Variants in SPATA17 observed in about 807,000 individuals in gnomAD.
SPATA17 encodes the protein spermatogenesis-associated protein 17.
A neutral mutation model predicts 62.2 loss-of-function variants in SPATA17; 53 were observed. That is an observed-to-expected ratio of 0.85 (90% CI 0.68 to 1.07). The LOEUF is 1.07. SPATA17 is among the 50% of genes least tolerant of loss of function. SPATA17 has a pLI of 0.00. For synonymous variants in SPATA17, 146 were observed against 146.8 expected, an observed-to-expected ratio of 0.99 and a Z score of 0.04; for missense variants, 466 against 425.5, an observed-to-expected ratio of 1.10 and a Z score of -0.84.
chr1:217,685,350 CT>C (rs1250711077), intron 5 of SPATA17, among the ~76,000 whole-genome samples: 1 of 152,146 alleles, frequency 6.6e-6, no homozygotes, highest in Non-Finnish European at 1.5e-5. Context: ...AGGTCTGAAT[CT>C]TCTATTTGAC....
chr1:217,832,894 G>T (rs551241018), intron 9 of SPATA17, among the ~76,000 whole-genome samples: 2 of 151,758 alleles, frequency 1.3e-5, no homozygotes, highest in South Asian at 4.2e-4. Flanking sequence ...CAGTGAGCTG[G>T]GATTGTACCA....
chr1:217,658,028 T>C (rs984120336), intron 3 of SPATA17, among the ~76,000 whole-genome samples: 14 of 152,306 alleles, frequency 9.2e-5, no homozygotes, highest in African/African-American at 2.6e-4. Context: ...GAGGACAGTA[T>C]GAGGAAAACT....
At chr1:217,797,099 A>G (rs1204275987) in intron 8 of SPATA17, among the ~76,000 whole-genome samples, 2 of 152,242 alleles carry the variant, frequency 1.3e-5, no homozygotes, top group African/African-American at 4.8e-5. Flanking sequence ...TATATTTCCA[A>G]TTACACGTTC....
intron 5 of SPATA17, among the ~76,000 whole-genome samples, chr1:217,712,752 G>A (rs775336192): frequency 6.6e-6 from 1 of 152,040 alleles, no homozygotes; most frequent in African/African-American, 2.4e-5. Context: ...AGAGCAAATA[G>A]GGTCTTTTCA....
At chr1:217,859,847 C>T (rs996415183) in intron 9 of SPATA17, among the ~76,000 whole-genome samples, 4 of 152,078 alleles carry the variant, frequency 2.6e-5, no homozygotes, top group African/African-American at 4.8e-5. Context: ...ATTTCAAGAG[C>T]AGGCTTTTGA....
intron 6 of SPATA17, among the ~76,000 whole-genome samples, chr1:217,742,998 G>A (rs1672658531): frequency 6.6e-6 from 1 of 151,210 alleles, no homozygotes; most frequent in Admixed American, 6.6e-5. Context: ...TCTACATTTG[G>A]AGTGTAGATC....
chr1:217,861,637 A>C (rs1333249620), intron 9 of SPATA17, among the ~76,000 whole-genome samples: 2 of 152,188 alleles, frequency 1.3e-5, no homozygotes, highest in African/African-American at 4.8e-5. Flanking sequence ...GCAAGAATAT[A>C]GATGCTCAGC....
intron 3 of SPATA17, among the ~76,000 whole-genome samples, chr1:217,656,725 A>T (rs533645254): frequency 3.9e-5 from 6 of 152,330 alleles, no homozygotes; most frequent in African/African-American, 1.4e-4. Flanking sequence ...CATTGCATTA[A>T]GCATTTTACA....
intron 6 of SPATA17, among the ~76,000 whole-genome samples, chr1:217,759,324 T>C (rs1310151874): frequency 1.3e-5 from 2 of 151,938 alleles, no homozygotes; most frequent in Non-Finnish European, 2.9e-5. Flanking sequence ...CCAGGTGTGG[T>C]AGCAGGTGCC....
chr1:217,819,991 T>A (rs949813863), intron 9 of SPATA17, among the ~76,000 whole-genome samples: 1 of 151,956 alleles, frequency 6.6e-6, no homozygotes, highest in Admixed American at 6.6e-5. Context: ...GAGAAAAAGG[T>A]CATATATCGA....
intron 5 of SPATA17, among the ~76,000 whole-genome samples, chr1:217,730,200 C>G (rs1026709628): frequency 6.6e-5 from 10 of 151,226 alleles, no homozygotes; most frequent in African/African-American, 1.7e-4. Context: ...AAGCAATGAA[C>G]AATGTCTTCA....
intron 4 of SPATA17, among the ~76,000 whole-genome samples, chr1:217,681,644 G>T (rs1232549858): frequency 6.6e-6 from 1 of 151,996 alleles, no homozygotes; most frequent in Non-Finnish European, 1.5e-5. Flanking sequence ...TGATCTTCCC[G>T]CCTTGGCCTC....
intron 5 of SPATA17, among the ~76,000 whole-genome samples, chr1:217,687,675 G>A (rs1410994742): frequency 6.6e-6 from 1 of 152,094 alleles, no homozygotes; most frequent in Non-Finnish European, 1.5e-5. Flanking sequence ...TACTATCTAG[G>A]TTTATGTAAA....
chr1:217,862,464 A>G (rs1187156080), intron 9 of SPATA17, among the ~76,000 whole-genome samples: 1 of 152,180 alleles, frequency 6.6e-6, no homozygotes, highest in East Asian at 1.9e-4. Flanking sequence ...CTATGAAGCC[A>G]AGGTAAAAAA....
intron 8 of SPATA17, among the ~76,000 whole-genome samples, chr1:217,793,382 G>A (rs1018092574): frequency 3.3e-5 from 5 of 151,868 alleles, no homozygotes; most frequent in African/African-American, 4.8e-5. Context: ...CACCACACCC[G>A]GCTAATTTTT....
intron 7 of SPATA17, 54 bp from the exon 8 acceptor site, chr1:217,782,120 A>G: frequency 6.6e-7 from 1 of 1,506,624 alleles, no homozygotes; most frequent in Non-Finnish European, 8.9e-7. Flanking sequence ...GGTCATCAGT[A>G]ATACCTCAAA....
chr1:217,653,964 G>C (rs1036299667), intron 3 of SPATA17, among the ~76,000 whole-genome samples: 1 of 151,876 alleles, frequency 6.6e-6, no homozygotes, highest in African/African-American at 2.4e-5. Context: ...TGTCTCACAG[G>C]TATGGAAAAA....
At chr1:217,831,614 G>A (rs567274659) in intron 9 of SPATA17, among the ~76,000 whole-genome samples, 4 of 151,990 alleles carry the variant, frequency 2.6e-5, no homozygotes, top group South Asian at 4.2e-4. Flanking sequence ...TTTTCTTATG[G>A]CAAATAAAAT....
chr1:217,828,349 T>A (rs192071240), intron 9 of SPATA17, among the ~76,000 whole-genome samples: 1 of 151,808 alleles, frequency 6.6e-6, no homozygotes, highest in East Asian at 1.9e-4. Flanking sequence ...CTTTGACAAA[T>A]GATGCAAGGA....
Sources: gnomAD v4.1 joint callset for allele counts (sites outside exome capture counted in the v4.1 genomes callset) on GRCh38, gnomAD v4.1.1 for gene constraint, MANE v1.5 for transcripts, NCBI Gene and HGNC (gene_info 2026-07-23, HGNC 2026-07-21) for gene names.